The following OR4C6 variants were observed in gnomAD, a reference collection of about 807,000 sequenced individuals.
OR4C6 encodes the protein olfactory receptor 4C6.
A neutral mutation model predicts 13.9 loss-of-function variants in OR4C6; 20 were observed. The ratio of observed to expected loss-of-function variants is 1.43; its 90% CI spans 1.01 to 2.08. OR4C6 has a LOEUF of 2.08. Ranked by LOEUF, OR4C6 falls within the 30% of genes most tolerant of loss-of-function variation. OR4C6 has a pLI of 0.00. For missense variants in OR4C6, 555 were observed against 381.2 expected (o/e 1.46, Z -3.80); for synonymous variants, 193 against 141.5 (o/e 1.36, Z -2.58).
rs759308996 is a variant in OR4C6, at chr11:55,665,253, T to A, written c.87T>A (p.Phe29Leu). The A allele has an allele frequency of 1.2e-6, 2 of 1,612,938 alleles. No homozygotes were observed. The highest frequency in any genetic ancestry group is 8.5e-7 in the Non-Finnish European group (1 of 1,179,066). The change falls in exon 2 of 2, where the codon TTT becomes TTA. Residue 29 changes from phenylalanine to leucine, a missense_variant. Phe to Leu is a conservative substitution (Grantham distance 22, BLOSUM62 0). Transcript: ENST00000314259. ...TGTGGAAAATATTTTCTGCTGTGTT[T>A]CTTGTCATGTATGTAGCCACAGTGC... ...LELWKIFSAV[F>L]LVMYVATVLE...
In OR4C6 at chr11:55,665,251, T is replaced by C. The variant is rs1858722343; in HGVS notation, c.85T>C (p.Phe29Leu). The change falls in exon 2 of 2, where the codon TTT (phenylalanine) becomes CTT (leucine). Residue 29 changes from phenylalanine to leucine, a missense_variant. Physicochemically the swap from Phe to Leu is conservative, Grantham distance 22. Coordinates refer to ENST00000314259, the MANE Select transcript of OR4C6 (RefSeq NM_001004704.2). Reference sequence around the variant, plus strand: ...GCTGTGGAAAATATTTTCTGCTGTGTTTCTTGTCATGTATGTAGCCACAGT... The same window carrying C: ...GCTGTGGAAAATATTTTCTGCTGTGCTTCTTGTCATGTATGTAGCCACAGT... ...LELWKIFSAV[F>L]LVMYVATVLE... The C allele has an allele frequency of 6.2e-7, 1 of 1,612,698 alleles. No individual in the cohort carries two copies. Among genetic ancestry groups the C allele is most frequent in the Non-Finnish European group, 8.5e-7 (1 of 1,178,872 alleles).
At position 55,665,747 on chromosome 11, in the gene OR4C6, G is replaced by A. The variant is rs766289787; in HGVS notation, c.581G>A (p.Gly194Asp). The change falls in exon 2 of 2, where the codon GGC becomes GAC. Residue 194 changes from glycine to aspartate, a missense_variant. By Grantham distance (94) the Gly-to-Asp change is moderately conservative. Transcript: ENST00000314259. The part of the protein sequence containing the change: ...TLACTDTHIL[G>D]LLVTLNSGMM... ...GCCTGCACGGACACCCACATCCTGGGCCTCTTAGTTACCCTCAACAGTGGG... is the reference window on the plus strand; with the variant it reads ...GCCTGCACGGACACCCACATCCTGGACCTCTTAGTTACCCTCAACAGTGGG... 1.5e-5 allele frequency: 24 copies of A among 1,613,756 alleles called. No individual in the cohort carries two copies. The highest frequency in any genetic ancestry group is 1.4e-5 in the Non-Finnish European group (17 of 1,179,996).
In OR4C6 at chr11:55,662,745, C is replaced by T. The variant is rs1489395739; in HGVS notation, c.-43+497C>T. 1.5e-5 allele frequency among the ~76,000 whole-genome samples: 2 copies of T among 137,522 alleles called. 1 individual carries two copies. Among genetic ancestry groups the T allele is most frequent in the Non-Finnish European group, 3.2e-5 (2 of 62,086 alleles). The allele number at this position is 137,522 out of a possible 152,430, so 90.2% of individuals were successfully genotyped here. A position where few individuals can be genotyped will look rare whatever the true frequency, so the allele number is the denominator to read the frequency against. On this transcript the variant is annotated intron_variant, in intron 1 of 1. Transcript: ENST00000314259. ...CAGGAAAACCAACACGAATACTGCA[C>T]TCCCACCCTTTATGGGTATTACCTC...
chr11:55,664,057 G>A lies in OR4C6; in HGVS notation c.-42-1068G>A, dbSNP rs908569456. ...TGGTGGGATATACTAGGTATGAATC[G>A]AAGCCGTGTGAGCAAAATGCCAGCT... On this transcript the variant is annotated intron_variant, in intron 1 of 1. Coordinates refer to ENST00000314259, the MANE Select transcript of OR4C6 (RefSeq NM_001004704.2). Among the ~76,000 whole-genome samples, 16 of 91,846 alleles carry A rather than the reference G, an allele frequency of 1.7e-4. 5 individuals are homozygous for A. Among genetic ancestry groups the A allele is most frequent in the Admixed American group, 5.5e-4 (4 of 7,268 alleles). 60.3% of individuals were successfully genotyped at this position (91,846 alleles called of 152,430 possible).
At chr11:55,664,439 T>C (rs2134329962) in intron 1 of OR4C6, among the ~76,000 whole-genome samples, 1 of 152,176 alleles carries the variant, frequency 6.6e-6, no homozygotes, top group African/African-American at 2.4e-5. Context: ...TCAGGGATTA[T>C]ATAGTAACTA....
intron 1 of OR4C6, among the ~76,000 whole-genome samples, chr11:55,664,848 A>C (rs1485473133): frequency 2.6e-5 from 4 of 152,060 alleles, no homozygotes; most frequent in Admixed American, 2.0e-4. Context: ...GGTGCTAAAA[A>C]AGTTATCTAT....
rs763384283 is a variant in OR4C6 at position 55,665,521 on chromosome 11, G to T, written c.355G>T (p.Asp119Tyr). Residue 119 changes from aspartate to tyrosine, a missense_variant, in exon 2 of 2, where the codon GAC (aspartate) becomes TAC (tyrosine). Coordinates refer to ENST00000314259, the MANE Select transcript of OR4C6 (RefSeq NM_001004704.2). ...CATCCTCCTCACTGTGATGGCCTAT[G>T]ACCGCTACGTGGCCATCTGTAAGCC... is the stretch of plus-strand genomic sequence containing the variant. ...GIILLTVMAY[D>Y]RYVAICKPLH... The T allele has an allele frequency of 6.2e-7, 1 of 1,613,794 alleles. No homozygotes were observed.
intron 1 of OR4C6, among the ~76,000 whole-genome samples, chr11:55,664,672 G>A (rs1474957264): frequency 5.3e-5 from 8 of 151,726 alleles, no homozygotes; most frequent in Non-Finnish European, 1.5e-5. Context: ...TACTGATTCC[G>A]GCATCAGAAT....
chr11:55,662,867 A>G (rs1471420317), intron 1 of OR4C6, among the ~76,000 whole-genome samples: 2 of 139,254 alleles, frequency 1.4e-5, no homozygotes, highest in African/African-American at 5.0e-5. Flanking sequence ...AGTTAGTCAC[A>G]TGCCTGCAAG....
Position 55,665,361 on chromosome 11 carries a change from C to T in OR4C6, c.195C>T (p.Ser65=), listed in dbSNP as rs755750080. ...TGTATTTTTTTCTTACCTTCTTGTC[C>T]CTTTTGGATGTCATGTTCTCATCTG... ...SPMYFFLTFL[S]LLDVMFSSVV... is the part of the protein sequence containing the mutation. The change falls in exon 2 of 2, where the codon TCC becomes TCT. Residue 65 remains serine (S), a synonymous_variant. Coordinates refer to ENST00000314259, the MANE Select transcript of OR4C6 (RefSeq NM_001004704.2). The T allele has an allele frequency of 4.3e-5, 70 of 1,613,346 alleles. No homozygotes were observed. Among genetic ancestry groups the T allele is most frequent in the Non-Finnish European group, 5.4e-5 (64 of 1,179,728 alleles).
rs1388015334 is a variant in OR4C6 at position 55,665,897 on chromosome 11, T to C, written c.731T>C (p.Val244Ala). 6.2e-7 allele frequency: 1 copy of C among 1,613,734 alleles called. No homozygotes were observed. Among genetic ancestry groups the C allele is most frequent in the African/African-American group, 1.3e-5 (1 of 74,716 alleles). ...ALSTCSSHLT[V>A]VVLFFVPCIF... ...TCTACCTGCAGCTCCCACCTCACGG[T>C]GGTTGTATTGTTCTTTGTCCCCTGT... Residue 244 changes from valine (V) to alanine (A), a missense_variant, in exon 2 of 2, where the codon GTG becomes GCG. By Grantham distance (64) the Val-to-Ala change is moderately conservative (BLOSUM62 0). Transcript: ENST00000314259.
chr11:55,664,896 A>G (rs1565078340), intron 1 of OR4C6, among the ~76,000 whole-genome samples: 1 of 152,088 alleles, frequency 6.6e-6, no homozygotes, highest in Non-Finnish European at 1.5e-5. Flanking sequence ...AAGGAGGAAA[A>G]AATCTATTTC....
intron 1 of OR4C6, among the ~76,000 whole-genome samples, chr11:55,664,687 G>A (rs1419733807): frequency 2.6e-5 from 4 of 151,310 alleles, no homozygotes; most frequent in African/African-American, 7.3e-5. Flanking sequence ...CAGAATATAA[G>A]GTCCAAATTC....
rs1440105895 is a variant in OR4C6 at position 55,665,225 on chromosome 11, A to G, written c.59A>G (p.Glu20Gly). 1.2e-6 allele frequency: 2 copies of G among 1,613,330 alleles called. No homozygotes were observed. The highest frequency in any genetic ancestry group is 1.7e-6 in the Non-Finnish European group (2 of 1,179,486). ...CTTCTGGGTCTCACAGAGAACCTGG[A>G]GCTGTGGAAAATATTTTCTGCTGTG... Reference protein sequence around the residue: ...FILLGLTENLELWKIFSAVFL... With the variant: ...FILLGLTENLGLWKIFSAVFL... Residue 20 changes from glutamate (E) to glycine (G), a missense_variant, in exon 2 of 2, where the codon GAG (glutamate) becomes GGG (glycine). Transcript: ENST00000314259.
chr11:55,666,052 A>AT lies in OR4C6; in HGVS notation c.887dup (p.Met296IlefsTer?). The AT allele has an allele frequency of 6.2e-7, 1 of 1,613,664 alleles. No individual in the cohort carries two copies. The highest frequency in any genetic ancestry group is 8.5e-7 in the Non-Finnish European group (1 of 1,179,844). ...GAGGAATGCAGAGGTGAAAAGTGCCATGAAGAAACTCTGGATGAAATGGGA... is the reference window on the plus strand; with the variant it reads ...GAGGAATGCAGAGGTGAAAAGTGCCATTGAAGAAACTCTGGATGAAATGGGA... On this transcript the variant is annotated frameshift_variant, in exon 2 of 2. Coordinates refer to ENST00000314259, the MANE Select transcript of OR4C6 (RefSeq NM_001004704.2). LOFTEE classifies it high-confidence loss of function.
chr11:55,663,131 T>G lies in OR4C6; in HGVS notation c.-43+883T>G, dbSNP rs779447658. Among the ~76,000 whole-genome samples, 20 of 137,346 alleles carry G rather than the reference T, an allele frequency of 1.5e-4. 4 individuals are homozygous for G. The highest frequency in any genetic ancestry group is 2.6e-4 in the Non-Finnish European group (16 of 61,958). The allele number at this position is 137,346 out of a possible 152,430, so 90.1% of individuals were successfully genotyped here. ...ATGTAGCCTGGCTAGGACTTAGAGG[T>G]AGGTTTGCTGTGTCTGAATTCAGGA... On this transcript the variant is annotated intron_variant, in intron 1 of 1. Transcript: ENST00000314259.
At position 55,662,438 on chromosome 11, in the gene OR4C6, T is replaced by G. The variant is rs527719905; in HGVS notation, c.-43+190T>G. Among the ~76,000 whole-genome samples the G allele has an allele frequency of 9.3e-5, 13 of 139,224 alleles. 4 individuals are homozygous for G. The highest frequency in any genetic ancestry group is 3.2e-4 in the African/African-American group (13 of 40,008). The allele number at this position is 139,224 out of a possible 152,430, so 91.3% of individuals were successfully genotyped here. A position where few individuals can be genotyped will look rare whatever the true frequency, so the allele number is the denominator to read the frequency against. Reference sequence around the variant, plus strand: ...CTATGTCCCACTGCTCACTGCAGTTTCCTTCCAATTGATAAATGATATTGA... The same window carrying G: ...CTATGTCCCACTGCTCACTGCAGTTGCCTTCCAATTGATAAATGATATTGA... On this transcript the variant is annotated intron_variant, in intron 1 of 1. Transcript: ENST00000314259.
In OR4C6 at chr11:55,665,035, G is replaced by T. The variant is rs759835959; in HGVS notation, c.-42-90G>T. ...TCAAATGCCTAGATGGAGAATACAT[G>T]GGTAAAAACAAAGAACAAATTCCCT... On this transcript the variant is annotated intron_variant, in intron 1 of 1. Transcript: ENST00000314259. The T allele has an allele frequency of 4.8e-6, 3 of 621,252 alleles. No homozygotes were observed. In the East Asian group the frequency reaches 8.1e-5, roughly 17 times the overall value. The allele number at this position is 621,252 out of a possible 1,614,324, so 38.5% of individuals were successfully genotyped here.
chr11:55,665,843 A>G lies in OR4C6; in HGVS notation c.677A>G (p.Tyr226Cys). Residue 226 changes from tyrosine (Y) to cysteine (C), a missense_variant, in exon 2 of 2, where the codon TAC (tyrosine) becomes TGC (cysteine). By Grantham distance (194) the Tyr-to-Cys change is radical. Transcript: ENST00000314259. ...GTCATCCTATGCTCCCTGAAGTCTTACAGCTCTAAAGGGCGGCACAAAGCC... is the reference window on the plus strand; with the variant it reads ...GTCATCCTATGCTCCCTGAAGTCTTGCAGCTCTAAAGGGCGGCACAAAGCC... ...YTVILCSLKS[Y>C]SSKGRHKALS... is the part of the protein sequence containing the mutation. 6.2e-7 allele frequency: 1 copy of G among 1,613,912 alleles called. No individual in the cohort carries two copies. Among genetic ancestry groups the G allele is most frequent in the Non-Finnish European group, 8.5e-7 (1 of 1,180,006 alleles).
Sources: allele counts gnomAD v4.1 joint callset (sites outside exome capture counted in the v4.1 genomes callset), GRCh38; gene constraint gnomAD v4.1.1; transcripts MANE v1.5; gene names NCBI Gene and HGNC (gene_info 2026-07-23, HGNC 2026-07-21).